The following NEXMIF variants were observed in gnomAD, a reference collection of about 807,000 sequenced individuals.
NEXMIF encodes neurite extension and migration factor, also known as XLMR protein related to neurite extension.
In NEXMIF, 8 loss-of-function variants were observed where a neutral mutation model predicts 62.1. That is an observed-to-expected ratio of 0.13 (90% confidence interval 0.08 to 0.23). The LOEUF is 0.23. Ranked by LOEUF, NEXMIF falls within the 10% of genes least tolerant of loss-of-function variation. The pLI is 1.00. For synonymous variants in NEXMIF, 404 were observed against 416.6 expected (o/e 0.97, Z 0.37); for missense variants, 976 against 1,113.3 (o/e 0.88, Z 1.75).
At chrX:74,901,670 T>C (rs1158197392) in intron 1 of NEXMIF, among the ~76,000 whole-genome samples, 1 of 111,647 alleles carries the variant, frequency 9.0e-6, no homozygotes, top group South Asian at 3.7e-4. Flanking sequence ...TTTCCTGAAA[T>C]GGGGGCTGTT....
At chrX:74,883,780 C>T (rs1228323931) in intron 1 of NEXMIF, among the ~76,000 whole-genome samples, 6 of 111,295 alleles carry the variant, frequency 5.4e-5, no homozygotes, top group Non-Finnish European at 9.4e-5. Flanking sequence ...CATTCAAATA[C>T]AGGAAATACA....
At chrX:74,889,292 A>G (rs147063153) in intron 1 of NEXMIF, among the ~76,000 whole-genome samples, 1,364 of 111,053 alleles carry the variant, frequency 0.012, 24 homozygotes, top group African/African-American at 0.043. Flanking sequence ...AACACCAAGT[A>G]CCGATATTAG....
chrX:74,793,733 C>T (rs1479283760), intron 1 of NEXMIF, among the ~76,000 whole-genome samples: 2 of 94,534 alleles, frequency 2.1e-5, no homozygotes, highest in Non-Finnish European at 4.2e-5. Flanking sequence ...ATTTCATCTT[C>T]CATTGCTGAT....
intron 1 of NEXMIF, among the ~76,000 whole-genome samples, chrX:74,861,873 A>G (rs916928224): frequency 1.8e-5 from 2 of 111,845 alleles, no homozygotes; most frequent in East Asian, 5.6e-4. Context: ...AAAAATCAAT[A>G]CCAGCCACTG....
At chrX:74,824,456 A>T (rs2080407927) in intron 1 of NEXMIF, among the ~76,000 whole-genome samples, 1 of 111,765 alleles carries the variant, frequency 8.9e-6, no homozygotes, top group Non-Finnish European at 1.9e-5. Flanking sequence ...CTTCTTTTTA[A>T]AGGCTGAATA....
At chrX:74,778,254 G>C (rs1485635995) in intron 1 of NEXMIF, among the ~76,000 whole-genome samples, 1 of 111,724 alleles carries the variant, frequency 9.0e-6, no homozygotes, top group Admixed American at 9.5e-5. Flanking sequence ...AATATTCATA[G>C]ATTTTTCCCA....
intron 1 of NEXMIF, among the ~76,000 whole-genome samples, chrX:74,866,120 C>T (rs866692880): frequency 1.3e-4 from 14 of 111,696 alleles, no homozygotes; most frequent in African/African-American, 4.2e-4. Flanking sequence ...CAAAGCTAAT[C>T]GGTGAAAGCA....
At chrX:74,795,256 T>C (rs774096428) in intron 1 of NEXMIF, among the ~76,000 whole-genome samples, 1 of 112,415 alleles carries the variant, frequency 8.9e-6, no homozygotes, top group African/African-American at 3.2e-5. Flanking sequence ...ACTTTATTCC[T>C]AATTTCTCAA....
At chrX:74,834,322 T>C (rs2080449203) in intron 1 of NEXMIF, among the ~76,000 whole-genome samples, 1 of 111,299 alleles carries the variant, frequency 9.0e-6, no homozygotes, top group South Asian at 3.8e-4. Flanking sequence ...TTTCTACTTA[T>C]GATAAGGGTA....
At chrX:74,903,717 C>T (rs1462568318) in intron 1 of NEXMIF, among the ~76,000 whole-genome samples, 1 of 111,513 alleles carries the variant, frequency 9.0e-6, no homozygotes, top group Non-Finnish European at 1.9e-5. Flanking sequence ...TGACTTTGAG[C>T]GAGCAGGTTA....
At chrX:74,853,914 C>T (rs972515065) in intron 1 of NEXMIF, among the ~76,000 whole-genome samples, 14 of 111,664 alleles carry the variant, frequency 1.3e-4, no homozygotes, top group Admixed American at 6.7e-4. Context: ...AGACTAATAA[C>T]GAATAATGAG....
At chrX:74,803,401 A>C (rs1265379122) in intron 1 of NEXMIF, among the ~76,000 whole-genome samples, 3 of 109,376 alleles carry the variant, frequency 2.7e-5, no homozygotes, top group African/African-American at 1.0e-4. Flanking sequence ...ATACAAAAAT[A>C]AATAAATAAA....
intron 1 of NEXMIF, among the ~76,000 whole-genome samples, chrX:74,877,908 G>T (rs62171045): frequency 0.082 from 9,063 of 111,191 alleles, 920 homozygotes; most frequent in African/African-American, 0.28. Flanking sequence ...TGTTTTCAAA[G>T]TTTTCAACTT....
chrX:74,754,222 A>G (rs1385414766), intron 1 of NEXMIF, among the ~76,000 whole-genome samples: 4 of 111,351 alleles, frequency 3.6e-5, no homozygotes, highest in African/African-American at 1.3e-4. Flanking sequence ...TCAGCTTCCC[A>G]AAGTGCTGGG....
intron 1 of NEXMIF, among the ~76,000 whole-genome samples, chrX:74,900,458 G>A (rs1234063197): frequency 4.1e-5 from 3 of 74,042 alleles, no homozygotes; most frequent in Admixed American, 4.0e-4. Context: ...GTGAGACTCC[G>A]TCTCAAAAAA....
At position 74,741,558 on chromosome X, in the gene NEXMIF, G is replaced by A. The variant is rs2080103689; in HGVS notation, c.2999C>T (p.Ser1000Phe). 1.7e-6 allele frequency: 2 copies of A among 1,211,825 alleles called. No homozygotes were observed. The highest frequency in any genetic ancestry group is 2.2e-6 in the Non-Finnish European group (2 of 895,501). The change falls in exon 3 of 4, where the codon TCT (serine) becomes TTT (phenylalanine). Residue 1000 changes from serine (S) to phenylalanine (F), a missense_variant. Ser to Phe is a radical substitution (Grantham distance 155). Transcript: ENST00000055682. ...GGAGCAATAATTACTTGAGCTGACA[G>A]AGAGTGGGGCCATTGAATCAAAGCT... ...LFSFDSMAPL[S>F]VSSSNYCSLS... is the part of the protein sequence containing the mutation.
chrX:74,837,161 C>A (rs1049381837), intron 1 of NEXMIF, among the ~76,000 whole-genome samples: 1 of 111,651 alleles, frequency 9.0e-6, no homozygotes, highest in Non-Finnish European at 1.9e-5. Context: ...TGCATGGCTG[C>A]TGCTGGGGGA....
intron 1 of NEXMIF, among the ~76,000 whole-genome samples, chrX:74,820,204 G>T (rs950793854): frequency 3.6e-5 from 4 of 110,206 alleles, no homozygotes; most frequent in African/African-American, 1.3e-4. Context: ...AGGGTTGGAG[G>T]AGGGATAGCA....
At chrX:74,849,841 T>A (rs999477547) in intron 1 of NEXMIF, among the ~76,000 whole-genome samples, 2 of 112,210 alleles carry the variant, frequency 1.8e-5, no homozygotes, top group Non-Finnish European at 3.8e-5. Context: ...CAGGCTACCC[T>A]GCCTACAGCT....
Sources: gnomAD v4.1 joint callset for allele counts (sites outside exome capture counted in the v4.1 genomes callset) on GRCh38, gnomAD v4.1.1 for gene constraint, MANE v1.5 for transcripts, NCBI Gene and HGNC (gene_info 2026-07-23, HGNC 2026-07-21) for gene names.